Variants in PIWIL1 observed in about 807,000 individuals in gnomAD.
PIWIL1 encodes piwi-like protein 1.
PIWIL1 carries 73 observed loss-of-function variants against 114.4 expected under a neutral mutation model. The observed-to-expected ratio is 0.64, with a 90% confidence interval of 0.53 to 0.78. PIWIL1 has a LOEUF of 0.78. Ranked by LOEUF, PIWIL1 falls within the 30% of genes least tolerant of loss-of-function variation. The pLI, the probability that PIWIL1 is intolerant of heterozygous loss-of-function variation, is 0.00. For synonymous variants in PIWIL1, 375 were observed against 369.0 expected (o/e 1.02, Z -0.19); for missense variants, 723 against 1,063.1 (o/e 0.68, Z 4.45).
At chr12:130,387,705 A>G in the PIWIL1 span, among the ~76,000 whole-genome samples, 1 of 149,344 alleles carries the variant, frequency 6.7e-6, no homozygotes, top group East Asian at 2.0e-4. Flanking sequence ...CCATTCACCC[A>G]TGCACACCAC....
chr12:130,382,871 A>G, the PIWIL1 span, among the ~76,000 whole-genome samples: 46 of 152,332 alleles, frequency 3.0e-4, no homozygotes, highest in Admixed American at 1.3e-3. Flanking sequence ...GTATGCTTTT[A>G]TTTTTAAAAC....
chr12:130,341,611 A>G (rs1190844574), intron 1 of PIWIL1, among the ~76,000 whole-genome samples: 1 of 152,246 alleles, frequency 6.6e-6, no homozygotes, highest in Non-Finnish European at 1.5e-5. Context: ...TTGACTGCTC[A>G]CTAGAGGCCA....
chr12:130,370,434 A>G (rs2073788065), intron 19 of PIWIL1, among the ~76,000 whole-genome samples: 1 of 152,188 alleles, frequency 6.6e-6, no homozygotes. Context: ...AACTATTTAC[A>G]TAGCATTTGC....
At chr12:130,389,583 ACTT>A in the PIWIL1 span, among the ~76,000 whole-genome samples, 5 of 152,090 alleles carry the variant, frequency 3.3e-5, no homozygotes, top group Admixed American at 2.6e-4. Flanking sequence ...AGTTGATAAT[ACTT>A]CATCTTTATA....
the PIWIL1 span, chr12:130,399,636 C>A: frequency 6.2e-7 from 1 of 1,607,510 alleles, no homozygotes; most frequent in Non-Finnish European, 8.5e-7. Flanking sequence ...CCACATATGG[C>A]AGAACGGGAC....
At chr12:130,395,335 C>T in the PIWIL1 span, among the ~76,000 whole-genome samples, 1 of 152,296 alleles carries the variant, frequency 6.6e-6, no homozygotes, top group Admixed American at 6.5e-5. Context: ...AAGTGACTCT[C>T]AGCTCAGTCT....
chr12:130,410,975 T>C, the PIWIL1 span, among the ~76,000 whole-genome samples: 1 of 152,328 alleles, frequency 6.6e-6, no homozygotes, highest in East Asian at 1.9e-4. Context: ...ATTAAGTCCA[T>C]GAATATGATC....
chr12:130,387,933 G>T, the PIWIL1 span, among the ~76,000 whole-genome samples: 1 of 152,168 alleles, frequency 6.6e-6, no homozygotes, highest in South Asian at 2.1e-4. Flanking sequence ...TAAAACTTTT[G>T]CTCTAACCCA....
chr12:130,357,573 A>T lies in PIWIL1; in HGVS notation c.1665+20A>T, dbSNP rs1174995244. 1 of 1,553,042 alleles carries T rather than the reference A, an allele frequency of 6.4e-7. No homozygotes were observed. Among genetic ancestry groups the T allele is most frequent in the East Asian group, 2.2e-5 (1 of 44,606 alleles). ...CAGATAGTAAGTAACTAATTGACAT[A>T]TAGGCAGTTTTCGGTGAAAGAGCTT... On this transcript the variant is annotated intron_variant, in intron 14 of 20. Coordinates refer to ENST00000245255, the MANE Select transcript of PIWIL1 (RefSeq NM_004764.5).
chr12:130,405,233 G>A, the PIWIL1 span, among the ~76,000 whole-genome samples: 1 of 152,160 alleles, frequency 6.6e-6, no homozygotes, highest in Non-Finnish European at 1.5e-5. Context: ...AGCAGAGGTT[G>A]AGCTGGAAAG....
At chr12:130,342,696 A>G in intron 2 of PIWIL1, 27 bp downstream of exon 2, 1 of 1,555,542 alleles carries the variant, frequency 6.4e-7, no homozygotes, top group Non-Finnish European at 8.9e-7. Flanking sequence ...TTCTGACTAC[A>G]GAAAATGTCT....
Position 130,347,017 on chromosome 12 carries a change from C to G in PIWIL1, c.608C>G (p.Pro203Arg). ...ATCACTTTAACAAATGAACTTCCAC[C>G]TACATCACCAACTTGTTTGCAGTTC... is the stretch of plus-strand genomic sequence containing the variant. ...ITITLTNELP[P>R]TSPTCLQFYN... Residue 203 changes from proline (P) to arginine (R), a missense_variant, in exon 6 of 21, where the codon CCT becomes CGT. Pro to Arg is a moderately radical substitution (Grantham distance 103). Coordinates refer to ENST00000245255, the MANE Select transcript of PIWIL1 (RefSeq NM_004764.5). 6.2e-7 allele frequency: 1 copy of G among 1,613,610 alleles called. No individual in the cohort carries two copies. The highest frequency in any genetic ancestry group is 8.5e-7 in the Non-Finnish European group (1 of 1,179,670).
chr12:130,407,358 G>A, the PIWIL1 span, among the ~76,000 whole-genome samples: 1 of 152,172 alleles, frequency 6.6e-6, no homozygotes, highest in African/African-American at 2.4e-5. Context: ...TCTATGTGTG[G>A]GGCCTGACTG....
At chr12:130,342,868 A>G (rs2072963194) in intron 2 of PIWIL1, 122 bp from the exon 3 acceptor site, 3 of 759,362 alleles carry the variant, frequency 4.0e-6, no homozygotes, top group East Asian at 2.7e-5. Flanking sequence ...TTTTAAGAAT[A>G]AAATATTTGA....
the PIWIL1 span, among the ~76,000 whole-genome samples, chr12:130,421,414 G>A: frequency 2.6e-5 from 4 of 152,184 alleles, no homozygotes; most frequent in Non-Finnish European, 5.9e-5. Flanking sequence ...CTGTGAAGAT[G>A]GAATTTTTTT....
chr12:130,345,766 T>C lies in PIWIL1; in HGVS notation c.204T>C (p.Ser68=). The C allele has an allele frequency of 1.2e-6, 2 of 1,613,920 alleles. No homozygotes were observed. Among genetic ancestry groups the C allele is most frequent in the Non-Finnish European group, 1.7e-6 (2 of 1,179,870 alleles). ...GTAKSQGLQI[S]AGFQELSLAE... Reference sequence around the variant, plus strand: ...TTTTTTTTTAAGGACTCCAGATATCTGCTGGATTTCAGGAGTTATCGTTAG... The same window carrying C: ...TTTTTTTTTAAGGACTCCAGATATCCGCTGGATTTCAGGAGTTATCGTTAG... Residue 68 remains serine, a synonymous_variant, in exon 4 of 21, where the codon TCT becomes TCC. Transcript: ENST00000245255.
At chr12:130,410,950 A>C in the PIWIL1 span, among the ~76,000 whole-genome samples, 5 of 152,212 alleles carry the variant, frequency 3.3e-5, no homozygotes, top group African/African-American at 1.2e-4. Flanking sequence ...CACTTGGGGC[A>C]GCTGACATAC....
downstream of PIWIL1, among the ~76,000 whole-genome samples, chr12:130,376,405 G>A (rs1052543841): frequency 6.6e-6 from 1 of 152,210 alleles, no homozygotes; most frequent in East Asian, 1.9e-4. Context: ...GAGTGCAAAG[G>A]AAAAGTGACC....
At chr12:130,342,726 G>T in intron 2 of PIWIL1, 57 bp downstream of exon 2, 2 of 1,337,826 alleles carry the variant, frequency 1.5e-6, no homozygotes, top group East Asian at 2.3e-5. Flanking sequence ...GATCAGCCTA[G>T]GCTGTTGAAA....
Sources: gnomAD v4.1 joint callset for allele counts (sites outside exome capture counted in the v4.1 genomes callset) on GRCh38, gnomAD v4.1.1 for gene constraint, MANE v1.5 for transcripts, NCBI Gene and HGNC (gene_info 2026-07-23, HGNC 2026-07-21) for gene names.